Variants in SOX6 observed in about 807,000 individuals in gnomAD.
SOX6 encodes transcription factor SOX-6.
In SOX6, 11 loss-of-function variants were observed where a neutral mutation model predicts 97.8. The ratio of observed to expected loss-of-function variants is 0.11; its 90% CI spans 0.07 to 0.19. SOX6 has a LOEUF of 0.19. SOX6 is among the 10% of genes least tolerant of loss of function. The pLI, the probability that SOX6 is intolerant of heterozygous loss-of-function variation, is 1.00. For missense variants in SOX6, 810 were observed against 1,039.5 expected (o/e 0.78, Z 3.04); for synonymous variants, 360 against 371.4 (o/e 0.97, Z 0.35).
intron 4 of SOX6, among the ~76,000 whole-genome samples, chr11:16,524,848 G>C (rs1460940381): frequency 1.3e-5 from 2 of 152,172 alleles, no homozygotes; most frequent in African/African-American, 2.4e-5. Context: ...CAGACAAACA[G>C]AGAGCCATAT....
chr11:16,003,765 T>C (rs1169970093), intron 13 of SOX6, among the ~76,000 whole-genome samples: 4 of 152,078 alleles, frequency 2.6e-5, no homozygotes, highest in Non-Finnish European at 4.4e-5. Context: ...GTGTCATTTC[T>C]TGAAACATCT....
intron 4 of SOX6, among the ~76,000 whole-genome samples, chr11:16,599,833 T>C (rs903553867): frequency 9.9e-5 from 15 of 152,154 alleles, no homozygotes; most frequent in African/African-American, 3.6e-4. Flanking sequence ...GAAAGTTTTT[T>C]TGAGTGAATA....
intron 3 of SOX6, among the ~76,000 whole-genome samples, chr11:16,698,352 T>G (rs1255735448): frequency 6.6e-6 from 1 of 152,216 alleles, no homozygotes; most frequent in African/African-American, 2.4e-5. Flanking sequence ...TGCAGTTTCT[T>G]CACCTCTCTC....
chr11:16,404,224 A>G (rs893276374), intron 1 of SOX6, among the ~76,000 whole-genome samples: 1 of 151,844 alleles, frequency 6.6e-6, no homozygotes, highest in Non-Finnish European at 1.5e-5. Flanking sequence ...TTAAATTGTA[A>G]ATAAGACCTC....
At chr11:16,286,882 T>G (rs1346182991) in intron 3 of SOX6, among the ~76,000 whole-genome samples, 2 of 152,104 alleles carry the variant, frequency 1.3e-5, no homozygotes, top group Non-Finnish European at 2.9e-5. Flanking sequence ...GATGAAATAT[T>G]TATGATTGTT....
At chr11:16,601,354 C>G (rs985235919) in intron 4 of SOX6, among the ~76,000 whole-genome samples, 5 of 152,130 alleles carry the variant, frequency 3.3e-5, no homozygotes, top group Admixed American at 2.6e-4. Flanking sequence ...ATGGTATTCT[C>G]AGACACATTA....
chr11:16,652,742 C>CAA (rs1847671201), intron 3 of SOX6, among the ~76,000 whole-genome samples: 1 of 146,690 alleles, frequency 6.8e-6, no homozygotes, highest in Admixed American at 6.8e-5. Flanking sequence ...GCAAATGCAA[C>CAA]AAAAACAAAA....
chr11:16,147,235 A>G (rs1850330458), intron 6 of SOX6, among the ~76,000 whole-genome samples: 1 of 152,224 alleles, frequency 6.6e-6, no homozygotes, highest in South Asian at 2.1e-4. Context: ...TATCACTCTC[A>G]GCAAACTATC....
At chr11:16,420,683 G>A (rs1195855111) in intron 1 of SOX6, among the ~76,000 whole-genome samples, 4 of 152,090 alleles carry the variant, frequency 2.6e-5, no homozygotes, top group Non-Finnish European at 5.9e-5. Flanking sequence ...ATATAACTAA[G>A]TTGGGTGAAA....
At chr11:16,055,977 T>C (rs1216566942) in intron 9 of SOX6, 76 bp from the exon 10 acceptor site, 1 of 1,506,598 alleles carries the variant, frequency 6.6e-7, no homozygotes, top group Non-Finnish European at 9.1e-7. Flanking sequence ...AAACTTACCA[T>C]ATTGTTAGAT....
chr11:16,581,381 A>G (rs1354811325), intron 4 of SOX6, among the ~76,000 whole-genome samples: 3 of 152,128 alleles, frequency 2.0e-5, no homozygotes, highest in Non-Finnish European at 4.4e-5. Context: ...CCCCTCACTC[A>G]TAAGTGGGAG....
chr11:16,049,374 CACAT>C (rs59940130), intron 11 of SOX6, among the ~76,000 whole-genome samples: 7,577 of 152,126 alleles, frequency 0.05, 613 homozygotes, highest in African/African-American at 0.17. Context: ...ATGTAAAATT[CACAT>C]ACACTTTGAT....
chr11:15,989,308 G>T, intron 13 of SOX6, 78 bp from the exon 14 acceptor site: 1 of 1,246,428 alleles, frequency 8.0e-7, no homozygotes, highest in Non-Finnish European at 1.1e-6. Context: ...TTGCCGCCTG[G>T]GTCAGCTGTT....
chr11:16,580,510 TTGTTCTA>T (rs1216220243), intron 4 of SOX6, among the ~76,000 whole-genome samples: 2 of 152,036 alleles, frequency 1.3e-5, no homozygotes, highest in Non-Finnish European at 2.9e-5. Context: ...GGAAAATAAA[TTGTTCTA>T]CCAAAAAGAC....
chr11:16,390,699 C>T (rs981584365), intron 1 of SOX6, among the ~76,000 whole-genome samples: 1 of 152,034 alleles, frequency 6.6e-6, no homozygotes, highest in Non-Finnish European at 1.5e-5. Flanking sequence ...ACAACAGATG[C>T]TGGAGAGGTT....
chr11:16,338,228 C>G (rs1856525195), intron 2 of SOX6, among the ~76,000 whole-genome samples: 1 of 151,830 alleles, frequency 6.6e-6, no homozygotes, highest in African/African-American at 2.4e-5. Flanking sequence ...AGAATATGAT[C>G]CATTAAAAAA....
intron 9 of SOX6, among the ~76,000 whole-genome samples, chr11:16,093,018 T>C (rs1848724274): frequency 6.6e-6 from 1 of 151,886 alleles, no homozygotes; most frequent in African/African-American, 2.4e-5. Flanking sequence ...ATAACATAGC[T>C]GAAGAAAGCA....
At chr11:16,424,189 C>T (rs181106716) in intron 1 of SOX6, among the ~76,000 whole-genome samples, 18 of 152,144 alleles carry the variant, frequency 1.2e-4, no homozygotes, top group East Asian at 5.8e-4. Flanking sequence ...AGAGGTTTGA[C>T]GGTAAAAGGA....
At chr11:16,727,382 T>C (rs1323710070) in intron 2 of SOX6, among the ~76,000 whole-genome samples, 1 of 150,834 alleles carries the variant, frequency 6.6e-6, no homozygotes, top group Non-Finnish European at 1.5e-5. Flanking sequence ...TATTCCACTG[T>C]ATGGATGTAA....
Sources: allele counts gnomAD v4.1 joint callset (sites outside exome capture counted in the v4.1 genomes callset), GRCh38; gene constraint gnomAD v4.1.1; transcripts MANE v1.5; gene names NCBI Gene and HGNC (gene_info 2026-07-23, HGNC 2026-07-21).